DPY19L4: variants seen among roughly 807,000 people sequenced by gnomAD.
DPY19L4 encodes the protein probable C-mannosyltransferase DPY19L4.
DPY19L4 carries 97 observed loss-of-function variants against 102.8 expected under a neutral mutation model. That is an observed-to-expected ratio of 0.94 (90% CI 0.80 to 1.12). The LOEUF (loss-of-function observed/expected upper bound fraction) is 1.12. Among genes scored for constraint, DPY19L4 ranks in the 50% most tolerant of loss-of-function variants. DPY19L4 has a pLI of 0.00. For missense variants in DPY19L4, 815 were observed against 850.4 expected (o/e 0.96, Z 0.52); for synonymous variants, 252 against 283.1 (o/e 0.89, Z 1.10).
intron 1 of DPY19L4, 100 bp downstream of exon 1, chr8:94,720,114 G>T (rs1385520109): frequency 1.4e-6 from 2 of 1,408,608 alleles, no homozygotes; most frequent in Admixed American, 3.3e-5. Context: ...GGTGGCCGCG[G>T]TCGCGGTGGC....
intron 12 of DPY19L4, 84 bp downstream of exon 12, chr8:94,768,637 T>C: frequency 1.2e-6 from 1 of 856,662 alleles, no homozygotes; most frequent in East Asian, 3.3e-5. Context: ...TCTTCCAAGA[T>C]TTCTGTATTT....
chr8:94,721,809 G>T (rs898226549), intron 1 of DPY19L4, among the ~76,000 whole-genome samples: 1 of 152,212 alleles, frequency 6.6e-6, no homozygotes, highest in Non-Finnish European at 1.5e-5. Flanking sequence ...TTACTTACGT[G>T]ATGTAAAATG....
In DPY19L4 at chr8:94,739,484, C is replaced by G. The variant is rs1586331547; in HGVS notation, c.415C>G (p.Leu139Val). The stretch of plus-strand genomic sequence containing the variant: ...TATAAATGCAGTGCAGCAAATGTCT[C>G]TGTATCCGGAACTTATTGCTAGCAT... ...KTINAVQQMS[L>V]YPELIASILY... The change falls in exon 5 of 19, where the codon CTG becomes GTG. Residue 139 changes from leucine (L) to valine (V), a missense_variant. By Grantham distance (32) the Leu-to-Val change is conservative (BLOSUM62 1). Coordinates refer to ENST00000414645, the MANE Select transcript of DPY19L4 (RefSeq NM_181787.3). The G allele has an allele frequency of 6.2e-7, 1 of 1,608,794 alleles. No individual in the cohort carries two copies. The highest frequency in any genetic ancestry group is 1.1e-5 in the South Asian group (1 of 89,340).
chr8:94,770,478 C>G lies in DPY19L4; in HGVS notation c.1361C>G (p.Thr454Ser). The G allele has an allele frequency of 1.9e-6, 3 of 1,613,034 alleles. No individual in the cohort carries two copies. The highest frequency in any genetic ancestry group is 2.5e-6 in the Non-Finnish European group (3 of 1,179,574). The change falls in exon 13 of 19, where the codon ACT (threonine) becomes AGT (serine). Residue 454 changes from threonine (T) to serine (S), a missense_variant. Physicochemically the swap from Thr to Ser is moderately conservative, Grantham distance 58. Transcript: ENST00000414645. ...GGTAAGTCCCTGAAGGAAACTGTTACTCTTGAAGATGGACGAATTGGAGAA... is the reference window on the plus strand; with the variant it reads ...GGTAAGTCCCTGAAGGAAACTGTTAGTCTTGAAGATGGACGAATTGGAGAA... ...INGKSLKETV[T>S]LEDGRIGERP...
chr8:94,788,100 T>G (rs1454827546), intron 18 of DPY19L4, 48 bp downstream of exon 18: 8 of 1,018,622 alleles, frequency 7.9e-6, no homozygotes, highest in Non-Finnish European at 1.0e-5. Context: ...TATATATTTT[T>G]TTTTTAGAAA....
At chr8:94,737,554 T>C (rs1811238727) in intron 3 of DPY19L4, among the ~76,000 whole-genome samples, 1 of 150,454 alleles carries the variant, frequency 6.6e-6, no homozygotes, top group Non-Finnish European at 1.5e-5. Context: ...GAGGCCGAGG[T>C]GGGCGGATCA....
chr8:94,763,289 CTAT>C (rs1812477767), intron 8 of DPY19L4, among the ~76,000 whole-genome samples: 1 of 138,332 alleles, frequency 7.2e-6, no homozygotes, highest in African/African-American at 2.7e-5. Flanking sequence ...ATGGCTCTGG[CTAT>C]TGACTGATTT....
intron 13 of DPY19L4, among the ~76,000 whole-genome samples, chr8:94,776,880 A>G (rs2130919411): frequency 6.7e-6 from 1 of 149,876 alleles, no homozygotes; most frequent in East Asian, 2.0e-4. Context: ...CAGGAGAATC[A>G]CTTGAACCCA....
intron 12 of DPY19L4, among the ~76,000 whole-genome samples, chr8:94,769,717 G>A (rs1366090202): frequency 6.6e-6 from 1 of 151,440 alleles, no homozygotes; most frequent in Non-Finnish European, 1.5e-5. Context: ...AAGCTATAAA[G>A]TTTGACTAAC....
chr8:94,786,032 GGT>G (rs1328548447), intron 17 of DPY19L4, among the ~76,000 whole-genome samples: 1 of 152,114 alleles, frequency 6.6e-6, no homozygotes, highest in African/African-American at 2.4e-5. Flanking sequence ...CTTTCTCTAT[GGT>G]ATGTAGCACA....
rs947107485 is a variant in DPY19L4, at chr8:94,793,152, A to G, written c.*3242A>G. On this transcript the variant is annotated 3_prime_UTR_variant, in exon 19 of 19. Transcript: ENST00000414645. ...TTGTAGAACATTAACCCAGATTGCT[A>G]ATAGCTTCATGTTACGGCATTCTTC... 1.3e-5 allele frequency: 2 copies of G among 152,188 alleles called. No homozygotes were observed. The highest frequency in any genetic ancestry group is 4.8e-5 in the African/African-American group (2 of 41,458). The allele number at this position is 152,188 out of a possible 1,614,324, so 9.4% of individuals were successfully genotyped here.
At chr8:94,744,829 T>C (rs1811600284) in intron 6 of DPY19L4, 2 of 300,136 alleles carry the variant, frequency 6.7e-6, no homozygotes, top group Admixed American at 4.2e-5. Flanking sequence ...AGAAGTTAAA[T>C]AGAAAAATTG....
chr8:94,740,756 C>A (rs188051383), intron 6 of DPY19L4, among the ~76,000 whole-genome samples: 34 of 152,180 alleles, frequency 2.2e-4, no homozygotes, highest in Admixed American at 1.6e-3. Context: ...CGCCCGGCTG[C>A]AATACTGTTT....
chr8:94,789,848 G>C lies in DPY19L4; in HGVS notation c.2110G>C (p.Val704Leu), dbSNP rs1329319719. 1 of 1,610,584 alleles carries C rather than the reference G, an allele frequency of 6.2e-7. No individual in the cohort carries two copies. The highest frequency in any genetic ancestry group is 8.5e-7 in the Non-Finnish European group (1 of 1,178,848). Residue 704 changes from valine (V) to leucine (L), a missense_variant, in exon 19 of 19, where the codon GTA (valine) becomes CTA (leucine). Coordinates refer to ENST00000414645, the MANE Select transcript of DPY19L4 (RefSeq NM_181787.3). The part of the protein sequence containing the change: ...YSPYVNYFTR[V>L]YWNRSYFVYK... ...TCCATATGTGAATTATTTCACTAGA[G>C]TATACTGGAACAGATCCTACTTTGT...
chr8:94,727,564 T>C (rs943355987), intron 2 of DPY19L4, among the ~76,000 whole-genome samples: 6 of 152,116 alleles, frequency 3.9e-5, no homozygotes, highest in African/African-American at 1.2e-4. Context: ...GCAAATAATA[T>C]AAAACAAAAT....
At chr8:94,765,517 G>A (rs999779308) in intron 9 of DPY19L4, among the ~76,000 whole-genome samples, 194 bp from the exon 10 acceptor site, 4 of 152,056 alleles carry the variant, frequency 2.6e-5, no homozygotes, top group African/African-American at 4.8e-5. Context: ...TGTATTTTTA[G>A]TAGAGACTGG....
chr8:94,750,890 C>G (rs1160467261), intron 6 of DPY19L4, among the ~76,000 whole-genome samples: 1 of 150,836 alleles, frequency 6.6e-6, no homozygotes, highest in Non-Finnish European at 1.5e-5. Context: ...TCAAGCAATT[C>G]TCCTGCCTCA....
At chr8:94,764,683 G>GTGTGTGTC (rs1563601164) in intron 8 of DPY19L4, among the ~76,000 whole-genome samples, 9 of 76,744 alleles carry the variant, frequency 1.2e-4, no homozygotes, top group African/African-American at 5.7e-4. Flanking sequence ...GTGTGTGTCT[G>GTGTGTGTC]TGTGTGTATA....
At chr8:94,774,682 AT>A (rs1813092539) in intron 13 of DPY19L4, among the ~76,000 whole-genome samples, 1 of 150,944 alleles carries the variant, frequency 6.6e-6, no homozygotes, top group South Asian at 2.1e-4. Flanking sequence ...GATTCAAGCG[AT>A]TCTCCTGCCT....
Sources: gnomAD v4.1 joint callset for allele counts (sites outside exome capture counted in the v4.1 genomes callset) on GRCh38, gnomAD v4.1.1 for gene constraint, MANE v1.5 for transcripts, NCBI Gene and HGNC (gene_info 2026-07-23, HGNC 2026-07-21) for gene names.